Variants in BATF observed in about 807,000 individuals in gnomAD.
BATF encodes basic leucine zipper ATF-like transcription factor.
Under a neutral mutation model 13.7 loss-of-function variants are expected in BATF, and 5 were observed. The ratio of observed to expected loss-of-function variants is 0.36; its 90% confidence interval spans 0.19 to 0.77. The LOEUF is 0.77. Among genes scored for constraint, BATF ranks in the 30% least tolerant of loss-of-function variants. The pLI, the probability that BATF is intolerant of heterozygous loss-of-function variation, is 0.51. For missense variants in BATF, 124 were observed against 163.0 expected, an observed-to-expected ratio of 0.76 and a Z score of 1.30; for synonymous variants, 72 against 67.5, an observed-to-expected ratio of 1.07 and a Z score of -0.33.
At position 75,546,912 on chromosome 14, in the gene BATF, A is replaced by G. The variant is rs903817224; in HGVS notation, c.*241A>G. 2 of 708,322 alleles carry G rather than the reference A, an allele frequency of 2.8e-6. No homozygotes were observed. The highest frequency in any genetic ancestry group is 5.1e-6 in the Non-Finnish European group (2 of 390,290). 43.9% of individuals were successfully genotyped at this position (708,322 alleles called of 1,614,324 possible). A position where few individuals can be genotyped will look rare whatever the true frequency, so the allele number is the denominator to read the frequency against. On this transcript the variant is annotated 3_prime_UTR_variant, in exon 3 of 3. Transcript: ENST00000286639. The stretch of plus-strand genomic sequence containing the variant: ...TGCAGGCCCAATGCAGAAGAGTATT[A>G]AGAAAGATGCTCAAGTCCCATGGCA...
At chr14:75,536,983 C>G (rs1055099952) in intron 2 of BATF, among the ~76,000 whole-genome samples, 18 of 152,082 alleles carry the variant, frequency 1.2e-4, no homozygotes, top group African/African-American at 3.9e-4. Flanking sequence ...TTAATGCAGA[C>G]AGCCTGCCCT....
intron 2 of BATF, among the ~76,000 whole-genome samples, chr14:75,542,640 G>C (rs1482127009): frequency 6.6e-6 from 1 of 152,246 alleles, no homozygotes; most frequent in African/African-American, 2.4e-5. Flanking sequence ...ACTTCCTCCT[G>C]CAAGGGAAGT....
intron 2 of BATF, among the ~76,000 whole-genome samples, chr14:75,535,895 C>T (rs1249016695): frequency 6.6e-6 from 1 of 152,130 alleles, no homozygotes; most frequent in Non-Finnish European, 1.5e-5. Flanking sequence ...AAAAAGGGTA[C>T]TCAGCTGGCA....
intron 1 of BATF, among the ~76,000 whole-genome samples, chr14:75,523,957 C>G (rs1887614430): frequency 6.6e-6 from 1 of 152,142 alleles, no homozygotes; most frequent in African/African-American, 2.4e-5. Context: ...TAACCTGGTG[C>G]CCCATCCCCC....
chr14:75,524,212 CCT>C (rs1284212966), intron 1 of BATF, among the ~76,000 whole-genome samples: 1 of 152,212 alleles, frequency 6.6e-6, no homozygotes, highest in Non-Finnish European at 1.5e-5. Flanking sequence ...ACAGGACATG[CCT>C]CTCTCTGGGT....
Position 75,546,652 on chromosome 14 carries a change from C to T in BATF, c.359C>T (p.Ser120Phe), listed in dbSNP as rs1887991651. The T allele has an allele frequency of 6.2e-7, 1 of 1,604,354 alleles. No homozygotes were observed. Among genetic ancestry groups the T allele is most frequent in the Non-Finnish European group, 8.5e-7 (1 of 1,175,364 alleles). The change falls in exon 3 of 3, where the codon TCC becomes TTC. Residue 120 changes from serine to phenylalanine, a missense_variant. Ser to Phe is a radical substitution (Grantham distance 155). This residue lies in a region of BATF where 59 missense variants were observed against 49.7 expected (regional missense o/e 1.19). Coordinates refer to ENST00000286639, the MANE Select transcript of BATF (RefSeq NM_006399.5). ...AHAFHQPHVSSPRFQP is the reference protein window; with the variant it reads ...AHAFHQPHVSFPRFQP ...GCATTCCACCAACCTCATGTCAGCT[C>T]CCCGCGCTTCCAGCCCTGAGCTTCC...
At chr14:75,546,318 C>A in intron 2 of BATF, 144 bp from the exon 3 acceptor site, 1 of 773,352 alleles carries the variant, frequency 1.3e-6, no homozygotes, top group Non-Finnish European at 2.1e-6. Flanking sequence ...CACACATTCA[C>A]ACGTGCAGGA....
At chr14:75,541,631 C>T (rs1360119392) in intron 2 of BATF, among the ~76,000 whole-genome samples, 1 of 152,142 alleles carries the variant, frequency 6.6e-6, no homozygotes. Flanking sequence ...TCCTGGGAGA[C>T]AACAGGGTAG....
intron 2 of BATF, among the ~76,000 whole-genome samples, chr14:75,531,932 A>G (rs1887740417): frequency 1.3e-5 from 2 of 152,154 alleles, no homozygotes; most frequent in African/African-American, 4.8e-5. Flanking sequence ...ACCCTTAAAA[A>G]GTTCAATGTA....
Position 75,522,812 on chromosome 14 carries a change from T to C in BATF, c.63+67T>C. The C allele has an allele frequency of 2.5e-6, 4 of 1,591,256 alleles. No homozygotes were observed. The East Asian group carries it at 6.7e-5, about 27-fold the overall frequency. ...TGGGGGATGGAAAGAGAGCCAGGCT[T>C]CCTTGTCCTGCCCAGGGAGCTGAGG... On this transcript the variant is annotated intron_variant, in intron 1 of 2. Transcript: ENST00000286639.
Position 75,546,655 on chromosome 14 carries a change from C to A in BATF, c.362C>A (p.Pro121Gln). Residue 121 changes from proline (P) to glutamine (Q), a missense_variant, in exon 3 of 3, where the codon CCG becomes CAG. Coordinates refer to ENST00000286639, the MANE Select transcript of BATF (RefSeq NM_006399.5). ...HAFHQPHVSS[P>Q]RFQP is the part of the protein sequence containing the mutation. Reference sequence around the variant, plus strand: ...TTCCACCAACCTCATGTCAGCTCCCCGCGCTTCCAGCCCTGAGCTTCCGAT... The same window carrying A: ...TTCCACCAACCTCATGTCAGCTCCCAGCGCTTCCAGCCCTGAGCTTCCGAT... 6.2e-7 allele frequency: 1 copy of A among 1,603,378 alleles called. No homozygotes were observed.
intron 1 of BATF, among the ~76,000 whole-genome samples, chr14:75,523,608 G>C (rs1483667173): frequency 6.6e-6 from 1 of 152,124 alleles, no homozygotes; most frequent in Non-Finnish European, 1.5e-5. Flanking sequence ...CCACACTCTT[G>C]ACATCCCTTG....
In BATF at chr14:75,525,388, C is replaced by T. The variant is rs190279413; in HGVS notation, c.168+200C>T. On this transcript the variant is annotated intron_variant, in intron 2 of 2. Transcript: ENST00000286639. ...CTTTAAGAAGGCTCTGTAGTCCGGG[C>T]GTGGTGGCTCACACCTGTAATCCCA... Among the ~76,000 whole-genome samples, 242 of 151,904 alleles carry T rather than the reference C, an allele frequency of 1.6e-3. 2 individuals carry two copies. The highest frequency in any genetic ancestry group is 5.5e-3 in the African/African-American group (227 of 41,384).
At chr14:75,530,034 A>C (rs1419459390) in intron 2 of BATF, among the ~76,000 whole-genome samples, 1 of 147,910 alleles carries the variant, frequency 6.8e-6, no homozygotes, top group Non-Finnish European at 1.5e-5. Context: ...ACTGCACTCC[A>C]GCCTGGGAGA....
Position 75,526,233 on chromosome 14 carries a change from C to T in BATF, c.168+1045C>T, listed in dbSNP as rs997002602. On this transcript the variant is annotated intron_variant, in intron 2 of 2. Coordinates refer to ENST00000286639, the MANE Select transcript of BATF (RefSeq NM_006399.5). The stretch of plus-strand genomic sequence containing the variant: ...CATTGCTCATACCTTACCACCTTAC[C>T]TCTCTTCACTCTGCCCCCAGTATGG... Among the ~76,000 whole-genome samples the T allele has an allele frequency of 3.3e-5, 5 of 152,206 alleles. No homozygotes were observed. The South Asian group carries it at 1.0e-3, about 31-fold the overall frequency.
intron 1 of BATF, among the ~76,000 whole-genome samples, chr14:75,524,646 G>A (rs1440943224): frequency 2.0e-5 from 3 of 152,138 alleles, no homozygotes; most frequent in Non-Finnish European, 4.4e-5. Flanking sequence ...CACTTGCCCA[G>A]AGGTTGGCAT....
chr14:75,524,447 G>C (rs974998992), intron 1 of BATF, among the ~76,000 whole-genome samples: 2 of 152,188 alleles, frequency 1.3e-5, no homozygotes, highest in Non-Finnish European at 2.9e-5. Flanking sequence ...GACCACATGG[G>C]GTGCAGAGTA....
chr14:75,532,806 C>A (rs1027084902), intron 2 of BATF, among the ~76,000 whole-genome samples: 92 of 152,228 alleles, frequency 6.0e-4, no homozygotes, highest in Non-Finnish European at 7.4e-4. Context: ...GTGAAAAAGG[C>A]AAATTACAAA....
At position 75,522,572 on chromosome 14, in the gene BATF, TA is replaced by T; in HGVS notation, c.-110del. On this transcript the variant is annotated 5_prime_UTR_variant, in exon 1 of 3. The change abolishes the stop of an existing upstream ORF in the 5' untranslated region. Transcript: ENST00000286639. ...ACAGGGCAGGCAGAGGAGGCACCTG[TA>T]GGGGGTGGTGGGCTGGTGGCCCAGG... 8.0e-7 allele frequency: 1 copy of T among 1,242,980 alleles called. No individual in the cohort carries two copies. Among genetic ancestry groups the T allele is most frequent in the Non-Finnish European group, 1.2e-6 (1 of 854,570 alleles). 77.0% of individuals were successfully genotyped at this position (1,242,980 alleles called of 1,614,324 possible).
Sources: gnomAD v4.1 joint callset for allele counts (sites outside exome capture counted in the v4.1 genomes callset) on GRCh38, gnomAD v4.1.1 for gene constraint, gnomAD v4.1.1 regional missense constraint, MANE v1.5 for transcripts, NCBI Gene and HGNC (gene_info 2026-07-23, HGNC 2026-07-21) for gene names.